Variants in UTY observed in about 807,000 individuals in gnomAD.
UTY encodes histone demethylase UTY.
Under a neutral mutation model 32.5 loss-of-function variants are expected in UTY, and 12 were observed. The observed-to-expected ratio is 0.37, with a 90% CI of 0.24 to 0.60. The LOEUF (loss-of-function observed/expected upper bound fraction) is 0.60, where lower values mean the gene tolerates loss of function less well. Among genes scored for constraint, UTY ranks in the 20% least tolerant of loss-of-function variants. UTY has a pLI of 0.69. For synonymous variants in UTY, 131 were observed against 103.4 expected, an observed-to-expected ratio of 1.27 and a Z score of -1.62; for missense variants, 303 against 299.2, an observed-to-expected ratio of 1.01 and a Z score of -0.09.
chrY:13,358,061 G>A (rs998752863), intron 14 of UTY, 92 bp from the exon 15 acceptor site: 3 of 206,259 alleles, frequency 1.5e-5, no homozygotes, highest in African/African-American at 8.3e-5. Flanking sequence ...ACTAGGAATC[G>A]GAATAGGTAT....
At chrY:13,473,684 T>C (rs2078746755) in intron 2 of UTY, among the ~76,000 whole-genome samples, 1 of 33,248 alleles carries the variant, frequency 3.0e-5, no homozygotes, top group Non-Finnish European at 7.4e-5. Context: ...ACACCTACCT[T>C]GTAAGAAATG....
rs374374084 is a variant in UTY at position 13,425,962 on chromosome Y, T to C, written c.376-11169A>G. ...GTGCAGCATCTACATAAAGTCACAA[T>C]GATTGCAGAAACTGAAGGAAACAGA... On this transcript the variant is annotated intron_variant, in intron 4 of 29. Transcript: ENST00000545955. Among the ~76,000 whole-genome samples the C allele has an allele frequency of 0.013, 444 of 33,294 alleles. No homozygotes were observed. In the Middle Eastern group the frequency reaches 0.27, roughly 20 times the overall value. The allele number at this position is 33,294 out of a possible 37,273, so 89.3% of individuals were successfully genotyped here.
chrY:13,248,253 A>G, downstream of UTY: 1 of 33,651 alleles, frequency 3.0e-5, no homozygotes, highest in Admixed American at 2.7e-4. Flanking sequence ...ATTTCACCTG[A>G]TAAGACTATA....
chrY:13,354,808 A>T, intron 17 of UTY, 195 bp downstream of exon 17: 1 of 333,632 alleles, frequency 3.0e-6, no homozygotes, highest in South Asian at 3.4e-5. Context: ...GTCTTGTATG[A>T]AACCTGTAAG....
In UTY at chrY:13,335,951, A is replaced by C. The variant is rs1437599600; in HGVS notation, c.2446T>G (p.Leu816Val). ...AGCTGAGGATTGTCTGCAATTAATA[A>C]ATTTGGTGAATCTCCATGGTTAGGA... is the stretch of plus-strand genomic sequence containing the variant. ...SSPNHGDSPNLLIADNPQLSA... is the reference protein window; with the variant it reads ...SSPNHGDSPNVLIADNPQLSA... The change falls in exon 18 of 30, where the codon TTA becomes GTA. Residue 816 changes from leucine to valine, a missense_variant. Coordinates refer to ENST00000545955, the MANE Select transcript of UTY (RefSeq NM_001258249.2). 2.5e-6 allele frequency: 1 copy of C among 398,893 alleles called. No homozygotes were observed. Among genetic ancestry groups the C allele is most frequent in the East Asian group, 9.2e-5 (1 of 10,850 alleles).
At position 13,366,261 on chromosome Y, in the gene UTY, T is replaced by C. The variant is rs746904522; in HGVS notation, c.866+6A>G. 5.1e-6 allele frequency: 2 copies of C among 392,379 alleles called. No homozygotes were observed. Among genetic ancestry groups the C allele is most frequent in the Admixed American group, 7.8e-5 (1 of 12,873 alleles). On this transcript the variant is annotated splice_donor_region_variant and intron_variant, in intron 10 of 29. Coordinates refer to ENST00000545955, the MANE Select transcript of UTY (RefSeq NM_001258249.2). ...AACTCTAGATAGCACGAGTATTTCA[T>C]CTCACCTTCCAAGAAAATACCACGA...
intron 8 of UTY, among the ~76,000 whole-genome samples, chrY:13,390,695 C>A (rs2067462772): frequency 9.0e-5 from 3 of 33,184 alleles, no homozygotes; most frequent in African/African-American, 3.5e-4. Flanking sequence ...AGAACTTACA[C>A]TGATTTTAGC....
At chrY:13,372,199 G>A (rs2064984107) in intron 8 of UTY, among the ~76,000 whole-genome samples, 1 of 33,310 alleles carries the variant, frequency 3.0e-5, no homozygotes, top group Non-Finnish European at 7.4e-5. Context: ...AAAATGAAGT[G>A]AAGAATTTGC....
intron 27 of UTY, among the ~76,000 whole-genome samples, chrY:13,297,159 C>T: frequency 3.0e-5 from 1 of 33,183 alleles, no homozygotes; most frequent in Non-Finnish European, 7.4e-5. Flanking sequence ...AAATATGGGA[C>T]CAGCATCTGC....
At chrY:13,284,988 C>G in intron 27 of UTY, among the ~76,000 whole-genome samples, 2 of 34,344 alleles carry the variant, frequency 5.8e-5, no homozygotes. Context: ...AGTAATAAGT[C>G]ATGCCAAGCT....
rs199529265 is a variant in UTY at position 13,307,801 on chromosome Y, C to T, written c.3277-1551G>A. Among the ~76,000 whole-genome samples, 64 of 32,935 alleles carry T rather than the reference C, an allele frequency of 1.9e-3. No individual in the cohort carries two copies. In the East Asian group the frequency reaches 0.048, roughly 25 times the overall value. 88.4% of individuals were successfully genotyped at this position (32,935 alleles called of 37,273 possible). A position where few individuals can be genotyped will look rare whatever the true frequency, so the allele number is the denominator to read the frequency against. On this transcript the variant is annotated intron_variant, in intron 21 of 29. Coordinates refer to ENST00000545955, the MANE Select transcript of UTY (RefSeq NM_001258249.2). ...TGCATTTCACCAAAGAAAATATACC[C>T]ATTAACAATATGTTAATGAAAAGAT...
chrY:13,415,307 C>T (rs2149699512), intron 4 of UTY, among the ~76,000 whole-genome samples: 1 of 33,752 alleles, frequency 3.0e-5, no homozygotes, highest in African/African-American at 1.2e-4. Flanking sequence ...ATTTCAGCCA[C>T]GTAAGAGTGC....
At chrY:13,478,037 G>C in intron 2 of UTY, among the ~76,000 whole-genome samples, 1 of 33,416 alleles carries the variant, frequency 3.0e-5, no homozygotes, top group Non-Finnish European at 7.4e-5. Flanking sequence ...ACATACAAAG[G>C]AGATTATAGG....
intron 4 of UTY, among the ~76,000 whole-genome samples, chrY:13,422,598 T>C (rs2072717353): frequency 8.9e-5 from 3 of 33,876 alleles, no homozygotes; most frequent in Non-Finnish European, 2.2e-4. Context: ...GAATAATGTA[T>C]ATCAATTAAG....
At chrY:13,361,506 T>G (rs571534105) in intron 10 of UTY, among the ~76,000 whole-genome samples, 1 of 32,487 alleles carries the variant, frequency 3.1e-5, no homozygotes, top group Non-Finnish European at 7.6e-5. Context: ...ACTTAAGGAT[T>G]AATAAAGACT....
chrY:13,431,958 T>TA lies in UTY; in HGVS notation c.375+17058dup, dbSNP rs2074073089. Among the ~76,000 whole-genome samples the TA allele has an allele frequency of 2.4e-4, 8 of 33,901 alleles. No individual in the cohort carries two copies. The East Asian group carries it at 6.0e-3, about 26-fold the overall frequency. 91.0% of individuals were successfully genotyped at this position (33,901 alleles called of 37,273 possible). On this transcript the variant is annotated intron_variant, in intron 4 of 29. Transcript: ENST00000545955. ...TGTTGCACAAAATGAAATCAACATGTAAAAATTACCATTTACATACAGCAA... is the reference window on the plus strand; with the variant it reads ...TGTTGCACAAAATGAAATCAACATGTAAAAAATTACCATTTACATACAGCAA...
chrY:13,254,565 G>C, intron 28 of UTY, among the ~76,000 whole-genome samples: 1 of 32,503 alleles, frequency 3.1e-5, no homozygotes, highest in African/African-American at 1.2e-4. Context: ...TATAACGTCT[G>C]TCCCCCGCCA....
At chrY:13,318,320 T>C (rs991040108) in intron 21 of UTY, among the ~76,000 whole-genome samples, 1 of 31,737 alleles carries the variant, frequency 3.2e-5, no homozygotes, top group Non-Finnish European at 7.6e-5. Flanking sequence ...AATAATTTCA[T>C]ATGAGAAAGA....
chrY:13,379,897 GGTGTGT>G (rs59144905), intron 8 of UTY, among the ~76,000 whole-genome samples: 4 of 16,831 alleles, frequency 2.4e-4, no homozygotes, highest in South Asian at 1.3e-3. Flanking sequence ...AACATTAAGG[GGTGTGT>G]GTGTGTGTGT....
Sources: gnomAD v4.1 joint callset for allele counts (sites outside exome capture counted in the v4.1 genomes callset) on GRCh38, gnomAD v4.1.1 for gene constraint, MANE v1.5 for transcripts, NCBI Gene and HGNC (gene_info 2026-07-23, HGNC 2026-07-21) for gene names.